ZFHX3: variants seen among roughly 807,000 people sequenced by gnomAD.
ZFHX3 encodes zinc finger homeobox 3.
In ZFHX3, 42 loss-of-function variants were observed where a neutral mutation model predicts 279.1. That is an observed-to-expected ratio of 0.15 (90% confidence interval 0.12 to 0.19). The LOEUF (loss-of-function observed/expected upper bound fraction) is 0.19, where lower values mean the gene tolerates loss of function less well. Among genes scored for constraint, ZFHX3 ranks in the 10% least tolerant of loss-of-function variants. The pLI is 1.00. For missense variants in ZFHX3, 4,981 were observed against 4,754.0 expected (o/e 1.05, Z -1.40); for synonymous variants, 2,293 against 1,957.8 (o/e 1.17, Z -4.52).
chr16:72,909,029 G>A (rs969803862), intron 3 of ZFHX3, among the ~76,000 whole-genome samples: 4 of 152,184 alleles, frequency 2.6e-5, no homozygotes, highest in Admixed American at 2.6e-4. Flanking sequence ...GCGGATGCAG[G>A]TTTAGTTACC....
intron 4 of ZFHX3, among the ~76,000 whole-genome samples, chr16:72,861,444 A>G (rs932333555): frequency 3.9e-5 from 6 of 152,210 alleles, no homozygotes; most frequent in Non-Finnish European, 8.8e-5. Flanking sequence ...TACTCCTCAG[A>G]GTCTGGAAAA....
At chr16:72,931,826 G>T (rs926327616) in intron 3 of ZFHX3, among the ~76,000 whole-genome samples, 13 of 152,152 alleles carry the variant, frequency 8.5e-5, no homozygotes, top group Non-Finnish European at 1.5e-4. Flanking sequence ...TGCAACGAGG[G>T]TATGTGAGCT....
intron 4 of ZFHX3, among the ~76,000 whole-genome samples, chr16:72,863,187 A>G (rs2037926242): frequency 6.6e-6 from 1 of 151,844 alleles, no homozygotes; most frequent in South Asian, 2.1e-4. Context: ...GGGGTCTGAT[A>G]TTGCAGTCTT....
At chr16:72,948,142 C>T (rs1433130304) in intron 3 of ZFHX3, among the ~76,000 whole-genome samples, 3 of 152,200 alleles carry the variant, frequency 2.0e-5, no homozygotes, top group East Asian at 3.9e-4. Context: ...CCCCCTGTGG[C>T]GAAGCCCGGG....
intron 3 of ZFHX3, among the ~76,000 whole-genome samples, chr16:73,408,636 C>T (rs533020805): frequency 4.6e-5 from 7 of 152,244 alleles, no homozygotes; most frequent in South Asian, 4.1e-4. Context: ...TTTGGAAATC[C>T]GTTCCCAGCT....
intron 1 of ZFHX3, among the ~76,000 whole-genome samples, chr16:73,792,403 T>C (rs1344554480): frequency 6.6e-6 from 1 of 152,130 alleles, no homozygotes; most frequent in Non-Finnish European, 1.5e-5. Context: ...CTTATCTCAC[T>C]GCAGCAACCA....
At chr16:73,811,028 T>A (rs1960412177) in intron 1 of ZFHX3, among the ~76,000 whole-genome samples, 1 of 152,034 alleles carries the variant, frequency 6.6e-6, no homozygotes, top group Non-Finnish European at 1.5e-5. Context: ...TTAAAAACAA[T>A]CAGTGTGGCA....
intron 5 of ZFHX3, among the ~76,000 whole-genome samples, chr16:73,167,418 T>G (rs1361691056): frequency 1.3e-5 from 2 of 152,354 alleles, no homozygotes; most frequent in Non-Finnish European, 2.9e-5. Flanking sequence ...GAGAAGAACT[T>G]AAGCAGTTAA....
chr16:73,584,676 T>A (rs932766589), intron 2 of ZFHX3, among the ~76,000 whole-genome samples: 5 of 152,304 alleles, frequency 3.3e-5, no homozygotes, highest in Admixed American at 2.0e-4. Flanking sequence ...GTCATAGGCA[T>A]GGGCAAAGAT....
At chr16:73,756,823 G>T (rs2053814636) in intron 1 of ZFHX3, among the ~76,000 whole-genome samples, 1 of 151,150 alleles carries the variant, frequency 6.6e-6, no homozygotes, top group Non-Finnish European at 1.5e-5. Context: ...TATGATCTTG[G>T]TGCCTTTTCT....
intron 5 of ZFHX3, among the ~76,000 whole-genome samples, chr16:73,156,206 T>A (rs907096176): frequency 7.8e-6 from 1 of 128,868 alleles, no homozygotes; most frequent in African/African-American, 3.0e-5. Flanking sequence ...CACTCCAGCC[T>A]GGGCGACAGA....
chr16:73,548,620 T>A (rs76302039), intron 2 of ZFHX3, among the ~76,000 whole-genome samples: 14,797 of 152,156 alleles, frequency 0.097, 768 homozygotes, highest in African/African-American at 0.12. Context: ...TACATTTTTT[T>A]AAAAATCATC....
intron 1 of ZFHX3, among the ~76,000 whole-genome samples, chr16:73,877,424 G>A (rs1226882406): frequency 6.6e-6 from 1 of 152,038 alleles, no homozygotes; most frequent in East Asian, 1.9e-4. Context: ...GACAGCTAGT[G>A]GTTACTATGG....
intron 5 of ZFHX3, among the ~76,000 whole-genome samples, chr16:73,215,180 T>A (rs1279512144): frequency 6.6e-6 from 1 of 152,192 alleles, no homozygotes; most frequent in African/African-American, 2.4e-5. Flanking sequence ...ATCTACTGGG[T>A]ATGACAGCTC....
chr16:73,069,459 C>T (rs984830115), intron 8 of ZFHX3, among the ~76,000 whole-genome samples: 24 of 152,086 alleles, frequency 1.6e-4, no homozygotes, highest in African/African-American at 5.8e-4. Context: ...CTCACGTGTC[C>T]GTCTACAGAA....
intron 5 of ZFHX3, among the ~76,000 whole-genome samples, chr16:73,179,014 T>C (rs1345548051): frequency 6.6e-6 from 1 of 152,222 alleles, no homozygotes; most frequent in Non-Finnish European, 1.5e-5. Context: ...GAGGGAACCA[T>C]GCTCACACCA....
chr16:73,591,052 G>A (rs2051989412), intron 2 of ZFHX3, among the ~76,000 whole-genome samples: 1 of 152,120 alleles, frequency 6.6e-6, no homozygotes, highest in Admixed American at 6.5e-5. Flanking sequence ...CAGAACAAAT[G>A]CCTCAAAAAC....
chr16:72,788,589 CTGCTGT>C lies in ZFHX3; in HGVS notation c.9681_9686del (p.Gln3230_Gln3231del). 1 of 1,613,734 alleles carries C rather than the reference CTGCTGT, an allele frequency of 6.2e-7. No homozygotes were observed. The highest frequency in any genetic ancestry group is 1.6e-4 in the Middle Eastern group (1 of 6,062). On this transcript the variant is annotated inframe_deletion, in exon 10 of 10. Coordinates refer to ENST00000268489, the MANE Select transcript of ZFHX3 (RefSeq NM_006885.4). ...CACTGTCTTTGTCCTTGCGTTGCTG[CTGCTGT>C]TGCAGTGGGAGCTGTGGTGTGGGTG... is the stretch of plus-strand genomic sequence containing the variant.
chr16:73,820,607 C>G (rs1388325779), intron 1 of ZFHX3, among the ~76,000 whole-genome samples: 1 of 152,022 alleles, frequency 6.6e-6, no homozygotes, highest in African/African-American at 2.4e-5. Context: ...CCAGCTCCAG[C>G]CAACATCTGA....
Sources: gnomAD v4.1 joint callset for allele counts (sites outside exome capture counted in the v4.1 genomes callset) on GRCh38, gnomAD v4.1.1 for gene constraint, MANE v1.5 for transcripts, NCBI Gene and HGNC (gene_info 2026-07-23, HGNC 2026-07-21) for gene names.